Variants in BCAS4 observed in about 807,000 individuals in gnomAD.
The protein encoded by BCAS4 is breast carcinoma amplified sequence 4.
In BCAS4, 9 loss-of-function variants were observed where a neutral mutation model predicts 15.7. The ratio of observed to expected loss-of-function variants is 0.57; its 90% CI spans 0.34 to 1.00. The LOEUF (loss-of-function observed/expected upper bound fraction) is 1.00, where lower values mean the gene tolerates loss of function less well. BCAS4 is among the 50% of genes least tolerant of loss of function. The pLI, the probability that BCAS4 is intolerant of heterozygous loss-of-function variation, is 0.02. For synonymous variants in BCAS4, 101 were observed against 99.5 expected (o/e 1.02, Z -0.09); for missense variants, 225 against 239.1 (o/e 0.94, Z 0.39).
intron 1 of BCAS4, among the ~76,000 whole-genome samples, chr20:50,796,485 ATATTTTTTTTTT>A (rs1238983495): frequency 4.9e-4 from 5 of 10,304 alleles, no homozygotes; most frequent in East Asian, 3.6e-3. Flanking sequence ...ATATATATAT[ATATTTTTTTTTT>A]TTTTTTTTTT....
intron 1 of BCAS4, among the ~76,000 whole-genome samples, chr20:50,816,039 T>G (rs1221514428): frequency 6.6e-6 from 1 of 152,216 alleles, no homozygotes; most frequent in Non-Finnish European, 1.5e-5. Flanking sequence ...TTCTTTTTTG[T>G]TTTTGAAGAC....
chr20:50,836,424 CAG>C (rs2088411389), intron 3 of BCAS4, among the ~76,000 whole-genome samples: 1 of 152,196 alleles, frequency 6.6e-6, no homozygotes, highest in South Asian at 2.1e-4. Flanking sequence ...ATCTACCCCT[CAG>C]AGTCATTGTG....
At chr20:50,831,367 T>G (rs1193012896) in intron 3 of BCAS4, among the ~76,000 whole-genome samples, 1 of 151,732 alleles carries the variant, frequency 6.6e-6, no homozygotes, top group Non-Finnish European at 1.5e-5. Flanking sequence ...GAGCCAAGAT[T>G]GCACCACTGC....
intron 4 of BCAS4, among the ~76,000 whole-genome samples, chr20:50,845,988 G>A (rs2088538854): frequency 6.6e-6 from 1 of 152,198 alleles, no homozygotes; most frequent in Non-Finnish European, 1.5e-5. Context: ...GGATACTAGC[G>A]ATCCCCCTCA....
chr20:50,857,139 C>T (rs943450460), intron 4 of BCAS4, among the ~76,000 whole-genome samples: 1 of 152,164 alleles, frequency 6.6e-6, no homozygotes, highest in African/African-American at 2.4e-5. Context: ...GTATTTTCTT[C>T]CTTTTTTTTG....
chr20:50,854,302 G>C (rs1978636601), intron 4 of BCAS4, among the ~76,000 whole-genome samples: 1 of 152,064 alleles, frequency 6.6e-6, no homozygotes, highest in African/African-American at 2.4e-5. Flanking sequence ...TCAGGTCGAG[G>C]ATTTGAACGT....
intron 4 of BCAS4, among the ~76,000 whole-genome samples, chr20:50,874,375 G>A (rs1036023617): frequency 3.9e-5 from 6 of 152,138 alleles, no homozygotes; most frequent in Admixed American, 3.9e-4. Context: ...CTGGCCAGTT[G>A]CTGCTGAGGC....
chr20:50,859,778 G>C (rs1246397368), intron 4 of BCAS4, among the ~76,000 whole-genome samples: 3 of 152,190 alleles, frequency 2.0e-5, no homozygotes, highest in Non-Finnish European at 2.9e-5. Context: ...AGCCAACTCT[G>C]GATGTGTGTG....
intron 2 of BCAS4, among the ~76,000 whole-genome samples, chr20:50,819,648 A>G (rs2123776742): frequency 6.6e-6 from 1 of 151,982 alleles, no homozygotes; most frequent in Middle Eastern, 3.4e-3. Flanking sequence ...GAGGACCTAT[A>G]TGGTTTCTTC....
chr20:50,840,829 A>G, intron 3 of BCAS4: 1 of 982,426 alleles, frequency 1.0e-6, no homozygotes. Context: ...TGAGTTGTCC[A>G]ATTTTATTTA....
intron 4 of BCAS4, among the ~76,000 whole-genome samples, chr20:50,857,827 T>C (rs1978847116): frequency 6.6e-6 from 1 of 152,092 alleles, no homozygotes; most frequent in Admixed American, 6.5e-5. Context: ...CCATCAGCAG[T>C]CCCCCATTTC....
At chr20:50,823,681 T>G (rs967707161) in intron 2 of BCAS4, among the ~76,000 whole-genome samples, 4 of 152,090 alleles carry the variant, frequency 2.6e-5, no homozygotes, top group African/African-American at 9.7e-5. Context: ...ATAATACATT[T>G]AAAAAGAAAA....
At chr20:50,854,075 C>G (rs970221369) in intron 4 of BCAS4, among the ~76,000 whole-genome samples, 16 of 152,124 alleles carry the variant, frequency 1.1e-4, no homozygotes, top group African/African-American at 3.6e-4. Context: ...CATCATAGTC[C>G]CCTCATTGCT....
intron 1 of BCAS4, among the ~76,000 whole-genome samples, chr20:50,807,849 T>C (rs2088010857): frequency 6.6e-6 from 1 of 152,180 alleles, no homozygotes; most frequent in Admixed American, 6.6e-5. Context: ...TTTCATTTCT[T>C]TTTATGGCTG....
At chr20:50,799,885 G>A (rs530981881) in intron 1 of BCAS4, among the ~76,000 whole-genome samples, 8 of 152,174 alleles carry the variant, frequency 5.3e-5, no homozygotes, top group East Asian at 1.9e-4. Flanking sequence ...GCAAAATCCC[G>A]TCTCTACAAA....
At chr20:50,813,960 G>A (rs931503399) in intron 1 of BCAS4, among the ~76,000 whole-genome samples, 2 of 152,094 alleles carry the variant, frequency 1.3e-5, no homozygotes, top group African/African-American at 4.8e-5. Flanking sequence ...GAAGAACAGC[G>A]AGGGCATTCA....
intron 3 of BCAS4, among the ~76,000 whole-genome samples, chr20:50,832,241 A>G (rs185589851): frequency 2.7e-4 from 41 of 151,802 alleles, no homozygotes; most frequent in African/African-American, 9.7e-4. Flanking sequence ...ATTTTAAAAA[A>G]AGAAGAAAAG....
At chr20:50,818,327 T>C in intron 2 of BCAS4, 45 bp downstream of exon 2, 3 of 1,189,064 alleles carry the variant, frequency 2.5e-6, no homozygotes, top group Non-Finnish European at 3.3e-6. Flanking sequence ...CAGGCCAGAC[T>C]TCAGGCCCTT....
intron 1 of BCAS4, among the ~76,000 whole-genome samples, chr20:50,802,288 G>A (rs1431011969): frequency 2.6e-5 from 4 of 152,208 alleles, no homozygotes; most frequent in African/African-American, 7.2e-5. Flanking sequence ...GACCAGAGAC[G>A]GATGCTGCGC....
Sources: allele counts gnomAD v4.1 joint callset (sites outside exome capture counted in the v4.1 genomes callset), GRCh38; gene constraint gnomAD v4.1.1; transcripts MANE v1.5; gene names NCBI Gene and HGNC (gene_info 2026-07-23, HGNC 2026-07-21).